Variants in AFAP1 observed in about 807,000 individuals in gnomAD.
AFAP1 encodes actin filament associated protein 1, also known as actin filament-associated protein 1.
In AFAP1, 75 loss-of-function variants were observed where a neutral mutation model predicts 93.9. That is an observed-to-expected ratio of 0.80 (90% CI 0.66 to 0.97). AFAP1 has a LOEUF of 0.97. Ranked by LOEUF, AFAP1 falls within the 50% of genes least tolerant of loss-of-function variation. The pLI is 0.00. For synonymous variants in AFAP1, 517 were observed against 430.7 expected, an observed-to-expected ratio of 1.20 and a Z score of -2.48; for missense variants, 1,201 against 1,050.8, an observed-to-expected ratio of 1.14 and a Z score of -1.98.
chr4:7,816,478 A>T (rs753550143), intron 7 of AFAP1, among the ~76,000 whole-genome samples: 8 of 152,206 alleles, frequency 5.3e-5, no homozygotes, highest in Non-Finnish European at 5.9e-5. Flanking sequence ...TCCATAGTCC[A>T]TTTAATTTCT....
intron 1 of AFAP1, among the ~76,000 whole-genome samples, chr4:7,882,544 T>C (rs1447121851): frequency 6.6e-6 from 1 of 152,110 alleles, no homozygotes; most frequent in Non-Finnish European, 1.5e-5. Context: ...ATTACTACCA[T>C]GCCCTTACCA....
intron 1 of AFAP1, among the ~76,000 whole-genome samples, chr4:7,884,777 G>C (rs1378227473): frequency 6.6e-6 from 1 of 152,180 alleles, no homozygotes; most frequent in Non-Finnish European, 1.5e-5. Flanking sequence ...TGTGGAAAAA[G>C]ATTTTCTAAT....
intron 5 of AFAP1, 131 bp downstream of exon 5, chr4:7,843,008 T>C: frequency 9.7e-7 from 1 of 1,029,246 alleles, no homozygotes; most frequent in Non-Finnish European, 1.4e-6. Context: ...TGCGGCTAGC[T>C]CAGGGCACCT....
intron 4 of AFAP1, 47 bp from the exon 5 acceptor site, chr4:7,843,397 A>G: frequency 6.5e-7 from 1 of 1,526,882 alleles, no homozygotes; most frequent in Non-Finnish European, 8.9e-7. Flanking sequence ...CTTTACCTTG[A>G]AGTTTACCCG....
At chr4:7,797,859 C>T (rs1718584751) in intron 10 of AFAP1, among the ~76,000 whole-genome samples, 1 of 151,848 alleles carries the variant, frequency 6.6e-6, no homozygotes, top group African/African-American at 2.4e-5. Context: ...AAAAATCCTA[C>T]ACAAAGACAT....
At chr4:7,830,711 G>A (rs895826550) in intron 6 of AFAP1, among the ~76,000 whole-genome samples, 4 of 152,040 alleles carry the variant, frequency 2.6e-5, no homozygotes, top group East Asian at 3.8e-4. Flanking sequence ...TGGGGCTCCA[G>A]CGATCCTCCT....
chr4:7,899,423 C>A (rs1217615416), intron 1 of AFAP1, among the ~76,000 whole-genome samples: 1 of 152,180 alleles, frequency 6.6e-6, no homozygotes, highest in Non-Finnish European at 1.5e-5. Flanking sequence ...AATAATACAA[C>A]ATGCACTGGT....
At position 7,760,624 on chromosome 4, in the gene AFAP1, C is replaced by G. The variant is rs752437799; in HGVS notation, c.*3141G>C. On this transcript the variant is annotated 3_prime_UTR_variant, in exon 18 of 18. Transcript: ENST00000420658. ...GCCCAGGTCAGGGGGACAAAGGGAG[C>G]CCTCGAATCTGATAGTTGTTTCTAT... is the stretch of plus-strand genomic sequence containing the variant. 1 of 152,176 alleles carries G rather than the reference C, an allele frequency of 6.6e-6. No individual in the cohort carries two copies. The highest frequency in any genetic ancestry group is 1.5e-5 in the Non-Finnish European group (1 of 67,994). 9.4% of individuals were successfully genotyped at this position (152,176 alleles called of 1,614,324 possible).
chr4:7,815,971 G>C, intron 8 of AFAP1, 47 bp downstream of exon 8: 2 of 1,283,860 alleles, frequency 1.6e-6, no homozygotes, highest in South Asian at 2.9e-5. Flanking sequence ...TTTTGTTTTT[G>C]TTTTTTTTTT....
chr4:7,934,027 G>C (rs73214051), intron 1 of AFAP1, among the ~76,000 whole-genome samples: 24,623 of 152,238 alleles, frequency 0.16, 2,556 homozygotes, highest in Non-Finnish European at 0.24. Flanking sequence ...GTTGACATCT[G>C]ACAAGCGTTT....
Position 7,861,522 on chromosome 4 carries a change from G to C in AFAP1, c.226-5948C>G, listed in dbSNP as rs1056528595. On this transcript the variant is annotated intron_variant, in intron 3 of 17. Coordinates refer to ENST00000420658, the MANE Select transcript of AFAP1 (RefSeq NM_001134647.2). ...TAAGTCTGCATTCCACACAGCGCTTGAGTAAACACTGGGAAGATTGTCTCA... is the reference window on the plus strand; with the variant it reads ...TAAGTCTGCATTCCACACAGCGCTTCAGTAAACACTGGGAAGATTGTCTCA... Among the ~76,000 whole-genome samples, 11 of 152,340 alleles carry C rather than the reference G, an allele frequency of 7.2e-5. No individual in the cohort carries two copies. The Middle Eastern group carries it at 0.01, about 141-fold the overall frequency.
intron 6 of AFAP1, among the ~76,000 whole-genome samples, chr4:7,826,625 C>T (rs1229719625): frequency 2.0e-5 from 3 of 152,246 alleles, no homozygotes; most frequent in Admixed American, 6.5e-5. Context: ...ATTTTCACCA[C>T]GGGTCTTGGG....
chr4:7,898,725 C>T (rs867215852), intron 1 of AFAP1, among the ~76,000 whole-genome samples: 8 of 150,854 alleles, frequency 5.3e-5, no homozygotes, highest in South Asian at 2.1e-4. Flanking sequence ...AACTTAAGGA[C>T]GCTCTCAACT....
intron 1 of AFAP1, among the ~76,000 whole-genome samples, chr4:7,938,002 C>A (rs1721488376): frequency 6.6e-6 from 1 of 152,168 alleles, no homozygotes; most frequent in Non-Finnish European, 1.5e-5. Context: ...TCAAGCTGTG[C>A]TACAGTTAAC....
rs1721633590 is a variant in AFAP1 at position 7,939,769 on chromosome 4, G to A, written c.-116C>T. ...CCTTAACAATGGAGCCCCGGGGCGGGGCCGCCGCCGCCGCCTCAGCCCGTG... is the reference window on the plus strand; with the variant it reads ...CCTTAACAATGGAGCCCCGGGGCGGAGCCGCCGCCGCCGCCTCAGCCCGTG... On this transcript the variant is annotated 5_prime_UTR_variant, in exon 1 of 18. Transcript: ENST00000420658. The surrounding 1 kb of genome is among the most constrained non-coding windows in gnomAD (Gnocchi z 5.6). 5.0e-6 allele frequency: 2 copies of A among 396,714 alleles called. No homozygotes were observed. The highest frequency in any genetic ancestry group is 3.4e-5 in the South Asian group (2 of 58,060). 24.6% of individuals were successfully genotyped at this position (396,714 alleles called of 1,614,324 possible). A position where few individuals can be genotyped will look rare whatever the true frequency, so the allele number is the denominator to read the frequency against.
At chr4:7,849,841 C>G (rs1442217218) in intron 4 of AFAP1, among the ~76,000 whole-genome samples, 1 of 152,102 alleles carries the variant, frequency 6.6e-6, no homozygotes, top group African/African-American at 2.4e-5. Flanking sequence ...AATACAAGAG[C>G]TACAAAATAC....
chr4:7,771,220 G>C (rs1278242009), intron 16 of AFAP1, among the ~76,000 whole-genome samples: 1 of 152,230 alleles, frequency 6.6e-6, no homozygotes, highest in African/African-American at 2.4e-5. Flanking sequence ...GTAGCACACA[G>C]AGGGAACACA....
At chr4:7,808,252 T>C (rs7693234) in intron 9 of AFAP1, among the ~76,000 whole-genome samples, 82,625 of 152,022 alleles carry the variant, frequency 0.54, 22,565 homozygotes, top group East Asian at 0.61. Flanking sequence ...CTGAACTTGA[T>C]TGCCTAGAAG....
chr4:7,767,083 C>A (rs1714706566), intron 17 of AFAP1, among the ~76,000 whole-genome samples: 1 of 152,188 alleles, frequency 6.6e-6, no homozygotes. Context: ...GCCAGGGGTC[C>A]CCTGTCACTG....
Sources: gnomAD v4.1 joint callset for allele counts (sites outside exome capture counted in the v4.1 genomes callset) on GRCh38, gnomAD v4.1.1 for gene constraint, Gnocchi (gnomAD v3.1) non-coding constraint, MANE v1.5 for transcripts, NCBI Gene and HGNC (gene_info 2026-07-23, HGNC 2026-07-21) for gene names.